Variants in NAA15 observed in about 807,000 individuals in gnomAD.
NAA15 encodes the protein N-terminal acetyltransferase.
NAA15 carries 34 observed loss-of-function variants against 114.0 expected under a neutral mutation model. The observed-to-expected ratio is 0.30, with a 90% CI of 0.23 to 0.40. The LOEUF is 0.40. Among genes scored for constraint, NAA15 ranks in the 10% least tolerant of loss-of-function variants. The pLI, the probability that NAA15 is intolerant of heterozygous loss-of-function variation, is 1.00. For missense variants in NAA15, 658 were observed against 1,004.5 expected (o/e 0.66, Z 4.66); for synonymous variants, 340 against 338.0 (o/e 1.01, Z -0.06).
At chr4:139,369,285 T>TA (rs1221673155) in intron 14 of NAA15, among the ~76,000 whole-genome samples, 1 of 152,210 alleles carries the variant, frequency 6.6e-6, no homozygotes, top group Non-Finnish European at 1.5e-5. Context: ...GCCATAGAGA[T>TA]ATGCAACAGC....
intron 1 of NAA15, among the ~76,000 whole-genome samples, chr4:139,329,727 A>G (rs1044945926): frequency 6.6e-6 from 1 of 152,190 alleles, no homozygotes. Context: ...CACCCTACAT[A>G]TGCAAAACTT....
intron 1 of NAA15, among the ~76,000 whole-genome samples, chr4:139,313,944 C>T (rs1217353910): frequency 1.3e-5 from 2 of 151,804 alleles, no homozygotes; most frequent in Admixed American, 1.3e-4. Flanking sequence ...ATAAAAACCA[C>T]AGGGCTTATG....
At chr4:139,363,687 TA>T (rs1748198429) in intron 14 of NAA15, among the ~76,000 whole-genome samples, 1 of 152,234 alleles carries the variant, frequency 6.6e-6, no homozygotes, top group Non-Finnish European at 1.5e-5. Flanking sequence ...CATGGATTAT[TA>T]GAAGTGGAAA....
chr4:139,329,329 T>C (rs59568559), intron 1 of NAA15, among the ~76,000 whole-genome samples: 82 of 152,362 alleles, frequency 5.4e-4, no homozygotes, highest in African/African-American at 1.8e-3. Context: ...ATCACGTTTT[T>C]AATTTCTCCT....
intron 5 of NAA15, 147 bp downstream of exon 5, chr4:139,343,107 T>A (rs1160712230): frequency 8.4e-6 from 5 of 596,952 alleles, no homozygotes; most frequent in Non-Finnish European, 1.4e-5. Flanking sequence ...ACATAGGGGT[T>A]CATTCATACT....
chr4:139,356,804 T>G (rs560601472), intron 10 of NAA15, among the ~76,000 whole-genome samples: 2 of 152,232 alleles, frequency 1.3e-5, no homozygotes, highest in Admixed American at 6.5e-5. Context: ...ATATAAAAAT[T>G]TTTTTACTTG....
chr4:139,323,630 A>G (rs1746694709), intron 1 of NAA15, among the ~76,000 whole-genome samples: 1 of 151,802 alleles, frequency 6.6e-6, no homozygotes, highest in African/African-American at 2.4e-5. Flanking sequence ...CCCCACCCAC[A>G]CCCCTACACC....
At chr4:139,336,976 A>T (rs1198843691) in intron 3 of NAA15, 24 bp downstream of exon 3, 1 of 1,484,562 alleles carries the variant, frequency 6.7e-7, no homozygotes, top group Non-Finnish European at 9.2e-7. Flanking sequence ...GATATATTTA[A>T]GGTTTGAGTG....
At chr4:139,358,379 A>G (rs1375775849) in intron 11 of NAA15, among the ~76,000 whole-genome samples, 1 of 151,834 alleles carries the variant, frequency 6.6e-6, no homozygotes, top group Non-Finnish European at 1.5e-5. Flanking sequence ...TATTATTTGT[A>G]GAGATGGAGT....
chr4:139,310,055 A>G (rs940765287), intron 1 of NAA15, among the ~76,000 whole-genome samples: 8 of 152,144 alleles, frequency 5.3e-5, no homozygotes, highest in Admixed American at 1.3e-4. Context: ...GCCTCAACTG[A>G]AGGGATCCCT....
At chr4:139,343,212 A>G (rs1579108650) in intron 5 of NAA15, among the ~76,000 whole-genome samples, 1 of 152,218 alleles carries the variant, frequency 6.6e-6, no homozygotes, top group Admixed American at 6.5e-5. Flanking sequence ...GAGTAATTGC[A>G]AGACATCATG....
chr4:139,310,929 A>ACTTT (rs1746203567), intron 1 of NAA15, among the ~76,000 whole-genome samples: 3 of 129,386 alleles, frequency 2.3e-5, no homozygotes, highest in African/African-American at 9.9e-5. Context: ...TAATTTAAAA[A>ACTTT]ATTTTGAGAC....
At chr4:139,315,879 T>TA (rs984130259) in intron 1 of NAA15, among the ~76,000 whole-genome samples, 11 of 150,552 alleles carry the variant, frequency 7.3e-5, no homozygotes, top group East Asian at 5.8e-4. Flanking sequence ...CTCTCTTTTT[T>TA]AAAAAAAAAA....
rs1054554383 is a variant in NAA15, at chr4:139,331,142, T to A, written c.55-3032T>A. 3.3e-5 allele frequency among the ~76,000 whole-genome samples: 5 copies of A among 152,332 alleles called. No homozygotes were observed. In the East Asian group the frequency reaches 9.6e-4, roughly 29 times the overall value. On this transcript the variant is annotated intron_variant, in intron 1 of 19. Transcript: ENST00000296543. Reference sequence around the variant, plus strand: ...ATAAATTTTCATGTGAAAGCATATGTTGATGTCTAAAAGTCAGCTAGCACT... The same window carrying A: ...ATAAATTTTCATGTGAAAGCATATGATGATGTCTAAAAGTCAGCTAGCACT...
intron 1 of NAA15, among the ~76,000 whole-genome samples, chr4:139,313,631 G>A (rs58400557): frequency 0.063 from 9,425 of 150,152 alleles, 1,058 homozygotes; most frequent in African/African-American, 0.22. Context: ...TGCAACCTCC[G>A]CCTCCCTGGT....
intron 10 of NAA15, among the ~76,000 whole-genome samples, chr4:139,355,993 C>T (rs1163110144): frequency 6.6e-6 from 1 of 152,074 alleles, no homozygotes; most frequent in Non-Finnish European, 1.5e-5. Flanking sequence ...TTTTTCTCCC[C>T]ACTCCCTCCT....
intron 1 of NAA15, 178 bp downstream of exon 1, chr4:139,302,009 G>A: frequency 1.7e-6 from 1 of 594,020 alleles, no homozygotes; most frequent in Non-Finnish European, 2.7e-6. Context: ...TATGGCCCGC[G>A]CGCCAGGGAC....
chr4:139,361,363 T>C (rs1247346116), intron 13 of NAA15, among the ~76,000 whole-genome samples: 1 of 152,164 alleles, frequency 6.6e-6, no homozygotes, highest in Non-Finnish European at 1.5e-5. Flanking sequence ...ATTCTAAATA[T>C]AAAAACTCAA....
chr4:139,354,166 A>G, intron 10 of NAA15, 68 bp downstream of exon 10: 1 of 1,306,648 alleles, frequency 7.7e-7, no homozygotes, highest in South Asian at 1.2e-5. Context: ...ATTCTTAATC[A>G]GAAGGTCAGT....
Sources: gnomAD v4.1 joint callset for allele counts (sites outside exome capture counted in the v4.1 genomes callset) on GRCh38, gnomAD v4.1.1 for gene constraint, MANE v1.5 for transcripts, NCBI Gene and HGNC (gene_info 2026-07-23, HGNC 2026-07-21) for gene names.